PLXDC2: variants seen among roughly 807,000 people sequenced by gnomAD.
PLXDC2 encodes plexin domain containing 2.
Under a neutral mutation model 68.9 loss-of-function variants are expected in PLXDC2, and 40 were observed. That is an observed-to-expected ratio of 0.58 (90% confidence interval 0.45 to 0.76). The LOEUF is 0.76. Among genes scored for constraint, PLXDC2 ranks in the 30% least tolerant of loss-of-function variants. The probability of loss-of-function intolerance (pLI) is 0.00; values close to 1 mark genes in which losing one functional copy is unlikely to be tolerated. For synonymous variants in PLXDC2, 243 were observed against 234.2 expected (o/e 1.04, Z -0.34); for missense variants, 644 against 661.9 (o/e 0.97, Z 0.30).
intron 1 of PLXDC2, among the ~76,000 whole-genome samples, chr10:19,867,588 A>T (rs1837445443): frequency 6.6e-6 from 1 of 152,184 alleles, no homozygotes. Flanking sequence ...AGGCTAACTA[A>T]GTACCTGCAA....
intron 1 of PLXDC2, among the ~76,000 whole-genome samples, chr10:19,880,038 A>G (rs1159730554): frequency 2.6e-5 from 4 of 152,218 alleles, no homozygotes; most frequent in African/African-American, 9.6e-5. Context: ...AACATTTTAG[A>G]CCATGACTTG....
At chr10:20,217,992 TA>T (rs1471433064) in intron 11 of PLXDC2, among the ~76,000 whole-genome samples, 1 of 152,146 alleles carries the variant, frequency 6.6e-6, no homozygotes, top group African/African-American at 2.4e-5. Flanking sequence ...ATAATTCTAT[TA>T]ATATATAATT....
chr10:19,958,867 A>T (rs1350708903), intron 1 of PLXDC2, among the ~76,000 whole-genome samples: 1 of 152,132 alleles, frequency 6.6e-6, no homozygotes, highest in Non-Finnish European at 1.5e-5. Context: ...ACTCAACTAG[A>T]CCTTGTTTCC....
intron 1 of PLXDC2, among the ~76,000 whole-genome samples, chr10:19,844,180 A>C (rs998193236): frequency 7.2e-5 from 11 of 152,236 alleles, no homozygotes; most frequent in African/African-American, 2.7e-4. Flanking sequence ...CTCTTGCAGA[A>C]CGTTTTTTGA....
chr10:20,047,477 G>T (rs945830388), intron 3 of PLXDC2, among the ~76,000 whole-genome samples: 1 of 152,084 alleles, frequency 6.6e-6, no homozygotes, highest in Non-Finnish European at 1.5e-5. Flanking sequence ...ACCAAATTAT[G>T]ATCTTAAATG....
At chr10:19,998,111 A>C (rs1221991924) in intron 1 of PLXDC2, among the ~76,000 whole-genome samples, 1 of 152,194 alleles carries the variant, frequency 6.6e-6, no homozygotes, top group African/African-American at 2.4e-5. Context: ...CAGCCAGACT[A>C]TTCAAAGATC....
At chr10:19,822,111 G>T (rs1161142494) in intron 1 of PLXDC2, among the ~76,000 whole-genome samples, 1 of 151,080 alleles carries the variant, frequency 6.6e-6, no homozygotes, top group African/African-American at 2.4e-5. Flanking sequence ...CTTTTTTAAA[G>T]CTAAATAATA....
intron 12 of PLXDC2, among the ~76,000 whole-genome samples, chr10:20,232,802 T>A (rs563862403): frequency 6.6e-6 from 1 of 152,264 alleles, no homozygotes; most frequent in Admixed American, 6.5e-5. Context: ...ATGATTTGGG[T>A]GATGGTTACT....
intron 2 of PLXDC2, among the ~76,000 whole-genome samples, chr10:20,016,119 G>C (rs1412609094): frequency 6.6e-6 from 1 of 152,194 alleles, no homozygotes. Flanking sequence ...TGACTGGACT[G>C]TTTCAAAAGA....
intron 1 of PLXDC2, among the ~76,000 whole-genome samples, chr10:19,927,337 C>T (rs1196524435): frequency 6.6e-6 from 1 of 152,036 alleles, no homozygotes; most frequent in Non-Finnish European, 1.5e-5. Context: ...CACTTGGACT[C>T]TGAAGGATAA....
At chr10:19,875,441 ATATTTT>A (rs1837614359) in intron 1 of PLXDC2, among the ~76,000 whole-genome samples, 1 of 152,246 alleles carries the variant, frequency 6.6e-6, no homozygotes, top group Admixed American at 6.5e-5. Flanking sequence ...ATTTTTAGAA[ATATTTT>A]TAAGTAGAAT....
intron 1 of PLXDC2, among the ~76,000 whole-genome samples, chr10:19,834,329 T>TAGAGAG (rs72293743): frequency 3.7e-4 from 54 of 145,304 alleles, no homozygotes; most frequent in Middle Eastern, 3.6e-3. Flanking sequence ...AAGAGAGAGG[T>TAGAGAG]AGAGAGAGAG....
intron 4 of PLXDC2, among the ~76,000 whole-genome samples, chr10:20,088,404 G>C (rs961564132): frequency 1.3e-5 from 2 of 152,156 alleles, no homozygotes; most frequent in African/African-American, 4.8e-5. Flanking sequence ...AGAATTACTG[G>C]AGTTCAGCAT....
intron 1 of PLXDC2, among the ~76,000 whole-genome samples, chr10:19,881,108 A>T (rs12779437): frequency 6.6e-6 from 1 of 151,778 alleles, no homozygotes; most frequent in Admixed American, 6.6e-5. Flanking sequence ...TTTATGTGTA[A>T]GATGCGATTT....
At chr10:19,910,292 T>C (rs1473854728) in intron 1 of PLXDC2, among the ~76,000 whole-genome samples, 1 of 151,970 alleles carries the variant, frequency 6.6e-6, no homozygotes, top group East Asian at 1.9e-4. Flanking sequence ...TGCTGTACGA[T>C]AATAATGATA....
chr10:19,969,327 G>A (rs1834312866), intron 1 of PLXDC2, among the ~76,000 whole-genome samples: 2 of 152,070 alleles, frequency 1.3e-5, no homozygotes, highest in African/African-American at 4.8e-5. Flanking sequence ...TAAATCCCAC[G>A]AAAACCAAAC....
At position 20,288,595 on chromosome 10, in the gene PLXDC2, A is replaced by G. The variant is rs1215337677; in HGVS notation, c.*8776A>G. 6.6e-6 allele frequency: 1 copy of G among 152,130 alleles called. No homozygotes were observed. The highest frequency in any genetic ancestry group is 1.5e-5 in the Non-Finnish European group (1 of 68,010). The allele number at this position is 152,130 out of a possible 1,614,324, so 9.4% of individuals were successfully genotyped here. On this transcript the variant is annotated 3_prime_UTR_variant, in exon 14 of 14. Coordinates refer to ENST00000377252, the MANE Select transcript of PLXDC2 (RefSeq NM_032812.9). Reference sequence around the variant, plus strand: ...TTCTGCAAGCTTCCTGATTATGTTCACTGTAATATTAATGACCTAAGTTTG... The same window carrying G: ...TTCTGCAAGCTTCCTGATTATGTTCGCTGTAATATTAATGACCTAAGTTTG...
chr10:20,204,439 T>G (rs1250214178), intron 9 of PLXDC2, among the ~76,000 whole-genome samples: 1 of 152,144 alleles, frequency 6.6e-6, no homozygotes, highest in East Asian at 1.9e-4. Flanking sequence ...ATCTTTCCAT[T>G]TCTTTGATTC....
At chr10:20,062,191 C>T (rs774149885) in intron 3 of PLXDC2, among the ~76,000 whole-genome samples, 2 of 152,090 alleles carry the variant, frequency 1.3e-5, no homozygotes, top group African/African-American at 4.8e-5. Context: ...TTTGGGAGGC[C>T]GAGGTGGGCG....
Sources: allele counts gnomAD v4.1 joint callset (sites outside exome capture counted in the v4.1 genomes callset), GRCh38; gene constraint gnomAD v4.1.1; transcripts MANE v1.5; gene names NCBI Gene and HGNC (gene_info 2026-07-23, HGNC 2026-07-21).